The following RHBDD1 variants were observed in gnomAD, a reference collection of about 807,000 sequenced individuals.
RHBDD1 encodes rhomboid-related protein 4.
RHBDD1 carries 38 observed loss-of-function variants against 36.3 expected under a neutral mutation model. The ratio of observed to expected loss-of-function variants is 1.05; its 90% CI spans 0.81 to 1.37. The LOEUF (loss-of-function observed/expected upper bound fraction) is 1.37. Among genes scored for constraint, RHBDD1 ranks in the 40% most tolerant of loss-of-function variants. The probability of loss-of-function intolerance (pLI) is 0.00; values close to 1 mark genes in which losing one functional copy is unlikely to be tolerated. For missense variants in RHBDD1, 393 were observed against 377.6 expected (o/e 1.04, Z -0.34); for synonymous variants, 151 against 136.5 (o/e 1.11, Z -0.74).
intron 5 of RHBDD1, among the ~76,000 whole-genome samples, chr2:226,874,677 C>G (rs1470288524): frequency 6.6e-6 from 1 of 152,134 alleles, no homozygotes; most frequent in Non-Finnish European, 1.5e-5. Context: ...CCCTGGTAAT[C>G]CTGGATGATC....
intron 5 of RHBDD1, chr2:226,867,558 T>C (rs1411711760): frequency 3.0e-6 from 3 of 984,270 alleles, no homozygotes; most frequent in Non-Finnish European, 3.6e-6. Flanking sequence ...CTCATTTTTT[T>C]TAAGTAGGAG....
intron 1 of RHBDD1, among the ~76,000 whole-genome samples, chr2:226,836,658 C>CT (rs1381691956): frequency 1.3e-5 from 2 of 152,192 alleles, no homozygotes; most frequent in Non-Finnish European, 2.9e-5. Flanking sequence ...AGCATAAACT[C>CT]TTTTGAAGAC....
chr2:226,867,559 T>A (rs1944441106), intron 5 of RHBDD1: 2 of 984,036 alleles, frequency 2.0e-6, no homozygotes, highest in Non-Finnish European at 2.4e-6. Context: ...TCATTTTTTT[T>A]AAGTAGGAGA....
chr2:226,926,181 C>T (rs1322471640), intron 8 of RHBDD1, among the ~76,000 whole-genome samples: 1 of 150,850 alleles, frequency 6.6e-6, no homozygotes, highest in African/African-American at 2.4e-5. Context: ...AGATCGAGAC[C>T]ATCCTGGCTA....
chr2:226,906,716 A>C (rs756399191), intron 5 of RHBDD1, 77 bp from the exon 6 acceptor site: 4 of 1,611,058 alleles, frequency 2.5e-6, no homozygotes, highest in Non-Finnish European at 2.5e-6. Context: ...TTTGACATGC[A>C]CTGGGCTAAT....
intron 8 of RHBDD1, among the ~76,000 whole-genome samples, chr2:226,920,525 G>T (rs1292547085): frequency 6.6e-6 from 1 of 152,114 alleles, no homozygotes; most frequent in Non-Finnish European, 1.5e-5. Flanking sequence ...CTGTGGGTCT[G>T]TCATATGTGA....
the RHBDD1 span, among the ~76,000 whole-genome samples, chr2:226,829,140 A>G: frequency 1.8e-4 from 28 of 152,170 alleles, no homozygotes; most frequent in African/African-American, 5.8e-4. Context: ...TTGAAAGACT[A>G]TCCTTTCCCC....
intron 5 of RHBDD1, among the ~76,000 whole-genome samples, chr2:226,902,751 C>G (rs1344919313): frequency 6.6e-6 from 1 of 152,136 alleles, no homozygotes; most frequent in African/African-American, 2.4e-5. Flanking sequence ...GTGGAAAATG[C>G]TGAATGTTGG....
rs1941387628 is a variant in RHBDD1, at chr2:226,839,599, C to T, written c.-119C>T. The T allele has an allele frequency of 6.6e-6, 1 of 152,062 alleles. No homozygotes were observed. The highest frequency in any genetic ancestry group is 1.9e-4 in the East Asian group (1 of 5,194). 9.4% of individuals were successfully genotyped at this position (152,062 alleles called of 1,614,324 possible). ...AGAAATCCTCAGGGCATGAGCTATACCTAAAACGTAATGGTATTAAGAATT... is the reference window on the plus strand; with the variant it reads ...AGAAATCCTCAGGGCATGAGCTATATCTAAAACGTAATGGTATTAAGAATT... On this transcript the variant is annotated 5_prime_UTR_variant, in exon 3 of 9. Coordinates refer to ENST00000392062, the MANE Select transcript of RHBDD1 (RefSeq NM_001167608.3).
intron 7 of RHBDD1, among the ~76,000 whole-genome samples, chr2:226,911,728 A>C (rs1039558682): frequency 4.6e-5 from 7 of 152,190 alleles, no homozygotes; most frequent in African/African-American, 1.2e-4. Flanking sequence ...CATATTTAAA[A>C]TGGTAAGATC....
intron 7 of RHBDD1, 110 bp from the exon 8 acceptor site, chr2:226,914,098 A>AT (rs1948722054): frequency 1.1e-6 from 1 of 941,042 alleles, no homozygotes; most frequent in Admixed American, 2.4e-5. Flanking sequence ...GATAATTATT[A>AT]TACCTAAAAT....
intron 8 of RHBDD1, among the ~76,000 whole-genome samples, chr2:226,926,223 TAA>T (rs35951338): frequency 1.4e-3 from 180 of 126,674 alleles, no homozygotes; most frequent in East Asian, 3.5e-3. Flanking sequence ...ACTAAGTAAA[TAA>T]AAAAAAAAAA....
chr2:226,988,342 T>A, intron 8 of RHBDD1: 1 of 1,549,790 alleles, frequency 6.5e-7, no homozygotes, highest in Non-Finnish European at 8.7e-7. Context: ...GAAAACCAGG[T>A]CATAAAGAGA....
At chr2:226,992,273 T>C (rs1958406066) in intron 8 of RHBDD1, among the ~76,000 whole-genome samples, 3 of 152,200 alleles carry the variant, frequency 2.0e-5, no homozygotes, top group Admixed American at 2.0e-4. Context: ...GTAGTCGGTG[T>C]AGGTTAGGGG....
chr2:226,922,876 G>C (rs1320065949), intron 8 of RHBDD1, among the ~76,000 whole-genome samples: 2 of 150,522 alleles, frequency 1.3e-5, no homozygotes. Flanking sequence ...AAACAAACAA[G>C]CAAGCAAGCA....
intron 6 of RHBDD1, among the ~76,000 whole-genome samples, chr2:226,907,450 A>G (rs1948150277): frequency 6.6e-6 from 1 of 152,214 alleles, no homozygotes; most frequent in Admixed American, 6.5e-5. Context: ...TATTTCATTT[A>G]GAAATACTTG....
chr2:226,931,872 GA>G (rs75740261), intron 8 of RHBDD1, among the ~76,000 whole-genome samples: 71,765 of 150,072 alleles, frequency 0.48, 17,394 homozygotes, highest in African/African-American at 0.59. Flanking sequence ...GATATCTACT[GA>G]AAAAAAAAAT....
chr2:226,948,503 C>A, intron 8 of RHBDD1, among the ~76,000 whole-genome samples: 1 of 134,018 alleles, frequency 7.5e-6, no homozygotes. Context: ...ACCAGCATGG[C>A]ACATGTATAC....
chr2:226,984,046 T>C (rs959477465), intron 8 of RHBDD1, among the ~76,000 whole-genome samples: 1 of 152,142 alleles, frequency 6.6e-6, no homozygotes, highest in African/African-American at 2.4e-5. Flanking sequence ...GGAGCTGCTG[T>C]CTCCGGCAAT....
Sources: gnomAD v4.1 joint callset for allele counts (sites outside exome capture counted in the v4.1 genomes callset) on GRCh38, gnomAD v4.1.1 for gene constraint, MANE v1.5 for transcripts, NCBI Gene and HGNC (gene_info 2026-07-23, HGNC 2026-07-21) for gene names.